Variants in FAM174A observed in about 807,000 individuals in gnomAD.
The protein encoded by FAM174A is family with sequence similarity 174 member A.
FAM174A carries 14 observed loss-of-function variants against 14.3 expected under a neutral mutation model. The ratio of observed to expected loss-of-function variants is 0.98; its 90% CI spans 0.65 to 1.53. The LOEUF (loss-of-function observed/expected upper bound fraction) is 1.53. Ranked by LOEUF, FAM174A falls within the 40% of genes most tolerant of loss-of-function variation. The pLI is 0.00. For synonymous variants in FAM174A, 108 were observed against 111.4 expected (o/e 0.97, Z 0.19); for missense variants, 241 against 249.6 (o/e 0.97, Z 0.23).
intron 1 of FAM174A, among the ~76,000 whole-genome samples, chr5:100,548,892 A>G (rs1746211476): frequency 6.6e-6 from 1 of 152,038 alleles, no homozygotes. Context: ...TAATACTATC[A>G]CTATTTTCAT....
At chr5:100,564,919 C>A (rs1746608690) in intron 2 of FAM174A, among the ~76,000 whole-genome samples, 1 of 151,816 alleles carries the variant, frequency 6.6e-6, no homozygotes, top group Non-Finnish European at 1.5e-5. Context: ...GACCATATGG[C>A]TTCATGGGTA....
At chr5:100,579,651 C>T (rs1746971148) in intron 2 of FAM174A, among the ~76,000 whole-genome samples, 1 of 152,080 alleles carries the variant, frequency 6.6e-6, no homozygotes, top group Non-Finnish European at 1.5e-5. Context: ...GTCCTGAATT[C>T]CTGACCTCAG....
intron 2 of FAM174A, among the ~76,000 whole-genome samples, chr5:100,584,061 C>A (rs1001271461): frequency 2.6e-5 from 4 of 152,146 alleles, no homozygotes; most frequent in African/African-American, 9.7e-5. Context: ...AAGTCAGTCC[C>A]CTACTAGCAA....
Position 100,535,746 on chromosome 5 carries a change from A to G in FAM174A, c.216A>G (p.Glu72=). ...PAQQPGRGLA[E]AAGPRGSEGG... The stretch of plus-strand genomic sequence containing the variant: ...AGCAGCCGGGCCGTGGTCTGGCTGA[A>G]GCTGCGGGGCCGCGGGGCTCCGAGG... The change falls in exon 1 of 3, where the codon GAA becomes GAG. Residue 72 remains glutamate, a synonymous_variant. Coordinates refer to ENST00000312637, the MANE Select transcript of FAM174A (RefSeq NM_198507.3). The G allele has an allele frequency of 6.2e-7, 1 of 1,604,870 alleles. No individual in the cohort carries two copies. The highest frequency in any genetic ancestry group is 8.5e-7 in the Non-Finnish European group (1 of 1,177,728).
At position 100,541,880 on chromosome 5, in the gene FAM174A, T is replaced by A. The variant is rs17156761; in HGVS notation, c.434+5916T>A. Among the ~76,000 whole-genome samples the A allele has an allele frequency of 8.4e-3, 1,282 of 152,326 alleles. 15 individuals are homozygous for A. The highest frequency in any genetic ancestry group is 0.029 in the African/African-American group (1,221 of 41,560). On this transcript the variant is annotated intron_variant, in intron 1 of 2. Transcript: ENST00000312637. Reference sequence around the variant, plus strand: ...CAGTGCACTGGTTCTTACTTTGACTTCTGAGACATCTCTTCTGATTTTCTT... The same window carrying A: ...CAGTGCACTGGTTCTTACTTTGACTACTGAGACATCTCTTCTGATTTTCTT...
At position 100,535,402 on chromosome 5, in the gene FAM174A, T is replaced by G; in HGVS notation, c.-129T>G. 1.0e-6 allele frequency: 1 copy of G among 993,104 alleles called. No homozygotes were observed. The highest frequency in any genetic ancestry group is 1.6e-5 in the South Asian group (1 of 64,508). 61.5% of individuals were successfully genotyped at this position (993,104 alleles called of 1,614,324 possible). The stretch of plus-strand genomic sequence containing the variant: ...TGCCACTGCTGTAGCTTCTGCCACC[T>G]GCCACGACCGGGCCTCTCCCTGGCG... On this transcript the variant is annotated 5_prime_UTR_variant, in exon 1 of 3. Coordinates refer to ENST00000312637, the MANE Select transcript of FAM174A (RefSeq NM_198507.3).
At chr5:100,578,712 C>T (rs1490523307) in intron 2 of FAM174A, among the ~76,000 whole-genome samples, 1 of 152,112 alleles carries the variant, frequency 6.6e-6, no homozygotes, top group Non-Finnish European at 1.5e-5. Flanking sequence ...ATATTCCTCA[C>T]AGTTAATAAA....
chr5:100,547,666 C>A (rs1370486299), intron 1 of FAM174A, among the ~76,000 whole-genome samples: 1 of 151,980 alleles, frequency 6.6e-6, no homozygotes, highest in African/African-American at 2.4e-5. Flanking sequence ...TGATAGAACC[C>A]GCCTGAAAGA....
chr5:100,540,919 C>G (rs76329769), intron 1 of FAM174A, among the ~76,000 whole-genome samples: 26 of 152,292 alleles, frequency 1.7e-4, no homozygotes, highest in African/African-American at 6.3e-4. Flanking sequence ...TATGAGACTA[C>G]CTGCCCTGAT....
intron 1 of FAM174A, among the ~76,000 whole-genome samples, chr5:100,554,887 A>T (rs562277754): frequency 6.6e-6 from 1 of 152,194 alleles, no homozygotes; most frequent in Non-Finnish European, 1.5e-5. Context: ...AGCATAAAAT[A>T]CTATCTAATT....
At chr5:100,571,137 C>T (rs1185537783) in intron 2 of FAM174A, among the ~76,000 whole-genome samples, 1 of 137,700 alleles carries the variant, frequency 7.3e-6, no homozygotes, top group Non-Finnish European at 1.6e-5. Flanking sequence ...TGTACATATA[C>T]ATATATATGT....
intron 1 of FAM174A, among the ~76,000 whole-genome samples, chr5:100,542,019 T>C (rs1482919670): frequency 1.3e-5 from 2 of 152,188 alleles, no homozygotes; most frequent in Admixed American, 1.3e-4. Context: ...AGGGCCTCTG[T>C]CTTACTCATC....
chr5:100,571,926 A>T (rs1279249587), intron 2 of FAM174A, among the ~76,000 whole-genome samples: 2 of 151,862 alleles, frequency 1.3e-5, no homozygotes, highest in African/African-American at 2.4e-5. Flanking sequence ...TATTAGCCAC[A>T]TATTTTGTAA....
At position 100,535,907 on chromosome 5, in the gene FAM174A, C is replaced by T; in HGVS notation, c.377C>T (p.Thr126Ile). The change falls in exon 1 of 3, where the codon ACC becomes ATC. Residue 126 changes from threonine (T) to isoleucine (I), a missense_variant. Transcript: ENST00000312637. ...AAGCCCATGACCCAGCGGGCCCTGA[C>T]CGTGTTGATGGTGGTGAGCGGCGCG... ...GDKPMTQRALTVLMVVSGAVL... is the reference protein window; with the variant it reads ...GDKPMTQRALIVLMVVSGAVL... 6.2e-7 allele frequency: 1 copy of T among 1,611,898 alleles called. No homozygotes were observed. The highest frequency in any genetic ancestry group is 8.5e-7 in the Non-Finnish European group (1 of 1,178,988).
intron 1 of FAM174A, among the ~76,000 whole-genome samples, chr5:100,554,168 A>C (rs548055197): frequency 6.6e-6 from 1 of 152,136 alleles, no homozygotes; most frequent in Non-Finnish European, 1.5e-5. Context: ...TATAACTTTC[A>C]ATATCCTTAA....
chr5:100,583,200 G>A (rs540092259), intron 2 of FAM174A, among the ~76,000 whole-genome samples: 120 of 152,258 alleles, frequency 7.9e-4, no homozygotes, highest in Admixed American at 1.8e-3. Context: ...AAGAGAAGGA[G>A]GAAGGAGGGG....
chr5:100,559,587 A>G (rs925501972), intron 1 of FAM174A, among the ~76,000 whole-genome samples: 2 of 152,040 alleles, frequency 1.3e-5, no homozygotes, highest in African/African-American at 4.8e-5. Flanking sequence ...AGGTACACCA[A>G]TCAGACGTAG....
intron 2 of FAM174A, among the ~76,000 whole-genome samples, chr5:100,577,993 T>A (rs1246393314): frequency 6.6e-6 from 1 of 152,104 alleles, no homozygotes; most frequent in Non-Finnish European, 1.5e-5. Context: ...TCCAGGACAA[T>A]AAGTGTGTAG....
chr5:100,558,795 T>C (rs34550123), intron 1 of FAM174A, among the ~76,000 whole-genome samples: 34,806 of 152,030 alleles, frequency 0.23, 4,314 homozygotes, highest in Admixed American at 0.34. Flanking sequence ...GCTTGGTAGA[T>C]CTTCCTCCAT....
Sources: gnomAD v4.1 joint callset for allele counts (sites outside exome capture counted in the v4.1 genomes callset) on GRCh38, gnomAD v4.1.1 for gene constraint, MANE v1.5 for transcripts, NCBI Gene and HGNC (gene_info 2026-07-23, HGNC 2026-07-21) for gene names.